Variants in TNIK observed in about 807,000 individuals in gnomAD.
TNIK encodes TRAF2 and NCK-interacting protein kinase.
Under a neutral mutation model 191.3 loss-of-function variants are expected in TNIK, and 49 were observed. The observed-to-expected ratio is 0.26, with a 90% confidence interval of 0.20 to 0.32. TNIK has a LOEUF of 0.32. Ranked by LOEUF, TNIK falls within the 10% of genes least tolerant of loss-of-function variation. TNIK has a pLI of 1.00. For synonymous variants in TNIK, 594 were observed against 600.9 expected, an observed-to-expected ratio of 0.99 and a Z score of 0.17; for missense variants, 1,155 against 1,702.3, an observed-to-expected ratio of 0.68 and a Z score of 5.66.
intron 1 of TNIK, among the ~76,000 whole-genome samples, chr3:171,434,621 T>C (rs9856560): frequency 0.78 from 118,438 of 151,954 alleles, 46,532 homozygotes; most frequent in African/African-American, 0.89. Flanking sequence ...CTATATCTGG[T>C]TAATTTTTTA....
At chr3:171,302,796 C>T (rs919115633) in intron 2 of TNIK, among the ~76,000 whole-genome samples, 1 of 152,172 alleles carries the variant, frequency 6.6e-6, no homozygotes, top group Admixed American at 6.5e-5. Flanking sequence ...TACCCTCTCT[C>T]ATTGCCCTTT....
At chr3:171,340,497 G>C (rs1366915196) in intron 2 of TNIK, among the ~76,000 whole-genome samples, 2 of 152,180 alleles carry the variant, frequency 1.3e-5, no homozygotes, top group Non-Finnish European at 2.9e-5. Context: ...TCAAGTTAGT[G>C]AACAAATCTA....
intron 2 of TNIK, among the ~76,000 whole-genome samples, chr3:171,363,053 A>G (rs1559976656): frequency 6.6e-6 from 1 of 152,068 alleles, no homozygotes; most frequent in East Asian, 1.9e-4. Context: ...CAGTGGTTTT[A>G]CCCCCACAGA....
At chr3:171,223,742 CACTT>C (rs1398485678) in intron 3 of TNIK, among the ~76,000 whole-genome samples, 1 of 152,138 alleles carries the variant, frequency 6.6e-6, no homozygotes, top group East Asian at 1.9e-4. Flanking sequence ...AGTAATCACT[CACTT>C]AGTGTTAGCT....
At chr3:171,323,285 A>G (rs1186184550) in intron 2 of TNIK, among the ~76,000 whole-genome samples, 1 of 152,208 alleles carries the variant, frequency 6.6e-6, no homozygotes, top group Non-Finnish European at 1.5e-5. Context: ...GTGGGTAAAG[A>G]TGACAGAAGT....
At chr3:171,444,927 C>T (rs1449753996) in intron 1 of TNIK, among the ~76,000 whole-genome samples, 3 of 151,972 alleles carry the variant, frequency 2.0e-5, no homozygotes, top group Non-Finnish European at 2.9e-5. Context: ...GTTGCCCAGG[C>T]TGATTTCACA....
chr3:171,183,371 T>C (rs1426128774), intron 7 of TNIK, among the ~76,000 whole-genome samples: 1 of 152,200 alleles, frequency 6.6e-6, no homozygotes, highest in African/African-American at 2.4e-5. Context: ...AGCTTAATAA[T>C]GGGCACAGCC....
chr3:171,189,172 A>C (rs193274114), intron 6 of TNIK, among the ~76,000 whole-genome samples: 2 of 152,304 alleles, frequency 1.3e-5, no homozygotes, highest in East Asian at 1.9e-4. Flanking sequence ...GGAATCATAC[A>C]GTATTTGTCT....
chr3:171,144,702 A>G (rs1345994383), intron 12 of TNIK, among the ~76,000 whole-genome samples: 2 of 152,218 alleles, frequency 1.3e-5, no homozygotes. Context: ...CTCTTATGCA[A>G]TAGAACACCA....
At chr3:171,354,747 C>T (rs182778898) in intron 2 of TNIK, among the ~76,000 whole-genome samples, 1 of 152,254 alleles carries the variant, frequency 6.6e-6, no homozygotes, top group Admixed American at 6.5e-5. Context: ...ATTGTCAATA[C>T]CTATCTTACT....
chr3:171,170,629 T>C (rs1735148658), intron 9 of TNIK, among the ~76,000 whole-genome samples: 1 of 152,236 alleles, frequency 6.6e-6, no homozygotes, highest in Admixed American at 6.5e-5. Flanking sequence ...CAGTGCCTGG[T>C]ATCATAAATG....
rs1009180605 is a variant in TNIK, at chr3:171,061,847, C to G, written c.*2034G>C. 3 of 152,200 alleles carry G rather than the reference C, an allele frequency of 2.0e-5. No individual in the cohort carries two copies. The highest frequency in any genetic ancestry group is 4.4e-5 in the Non-Finnish European group (3 of 68,032). 9.4% of individuals were successfully genotyped at this position (152,200 alleles called of 1,614,324 possible). The stretch of plus-strand genomic sequence containing the variant: ...ATAGTATTGTTCAGCAGCACAACCA[C>G]AGCAGTAAAAATGAGAACAGGAGGA... On this transcript the variant is annotated 3_prime_UTR_variant, in exon 33 of 33. Transcript: ENST00000436636.
At chr3:171,294,793 A>C (rs761329802) in intron 2 of TNIK, among the ~76,000 whole-genome samples, 12 of 152,148 alleles carry the variant, frequency 7.9e-5, no homozygotes, top group African/African-American at 1.2e-4. Context: ...GATTGTAGTA[A>C]ATAGTTCTAA....
chr3:171,306,459 T>C (rs1753464758), intron 2 of TNIK, among the ~76,000 whole-genome samples: 2 of 152,122 alleles, frequency 1.3e-5, no homozygotes, highest in Admixed American at 1.3e-4. Context: ...GATCTGAAAG[T>C]GGGGAGTACA....
chr3:171,121,216 TA>T (rs1165691700), intron 18 of TNIK, among the ~76,000 whole-genome samples: 1 of 152,190 alleles, frequency 6.6e-6, no homozygotes, highest in Non-Finnish European at 1.5e-5. Context: ...CAACACCTTT[TA>T]AAGTGGCTTT....
intron 2 of TNIK, among the ~76,000 whole-genome samples, chr3:171,314,076 C>T (rs1403069518): frequency 6.6e-6 from 1 of 152,156 alleles, no homozygotes; most frequent in Non-Finnish European, 1.5e-5. Flanking sequence ...ACAGGATGTT[C>T]ATAAGCACGC....
At chr3:171,210,638 G>T (rs79267815) in intron 4 of TNIK, among the ~76,000 whole-genome samples, 2 of 152,080 alleles carry the variant, frequency 1.3e-5, no homozygotes, top group Non-Finnish European at 2.9e-5. Context: ...ACAGAGAATC[G>T]CATAGAGCTT....
chr3:171,082,324 A>G lies in TNIK; in HGVS notation c.3240T>C (p.Tyr1080=), dbSNP rs1240868538. Residue 1080 remains tyrosine (Y), a synonymous_variant, in exon 27 of 33, where the codon TAT becomes TAC. Coordinates refer to ENST00000436636, the MANE Select transcript of TNIK (RefSeq NM_015028.4). Reference sequence around the variant, plus strand: ...GAAATCGCCTCCGGTTGATCAGATTATAGACTTTGCCTTGCCCACTTCGGT... The same window carrying G: ...GAAATCGCCTCCGGTTGATCAGATTGTAGACTTTGCCTTGCCCACTTCGGT... ...LLDRSGQGKV[Y]NLINRRRFQQ... 9 of 1,613,802 alleles carry G rather than the reference A, an allele frequency of 5.6e-6. No individual in the cohort carries two copies. The African/African-American group carries it at 1.2e-4, about 22-fold the overall frequency.
chr3:171,324,776 G>A (rs183182224), intron 2 of TNIK, among the ~76,000 whole-genome samples: 1 of 152,226 alleles, frequency 6.6e-6, no homozygotes, highest in East Asian at 1.9e-4. Context: ...GATTTACGTA[G>A]TCGTCAGAAA....
Sources: allele counts gnomAD v4.1 joint callset (sites outside exome capture counted in the v4.1 genomes callset), GRCh38; gene constraint gnomAD v4.1.1; transcripts MANE v1.5; gene names NCBI Gene and HGNC (gene_info 2026-07-23, HGNC 2026-07-21).